ING5: variants seen among roughly 807,000 people sequenced by gnomAD.
ING5 encodes inhibitor of growth protein 5.
ING5 carries 17 observed loss-of-function variants against 37.4 expected under a neutral mutation model. The ratio of observed to expected loss-of-function variants is 0.45; its 90% CI spans 0.31 to 0.68. The LOEUF is 0.68. Among genes scored for constraint, ING5 ranks in the 30% least tolerant of loss-of-function variants. The probability of loss-of-function intolerance (pLI) is 0.05; values close to 1 mark genes in which losing one functional copy is unlikely to be tolerated. For synonymous variants in ING5, 123 were observed against 116.6 expected (o/e 1.06, Z -0.36); for missense variants, 233 against 311.9 (o/e 0.75, Z 1.91).
chr2:241,701,223 C>G (rs971974981), upstream of ING5, among the ~76,000 whole-genome samples: 10 of 152,120 alleles, frequency 6.6e-5, no homozygotes, highest in Non-Finnish European at 1.5e-4. Flanking sequence ...CTCGGCCTCC[C>G]AAAGTGATGG....
intron 2 of ING5, among the ~76,000 whole-genome samples, chr2:241,707,284 G>A (rs1366996356): frequency 1.3e-5 from 2 of 150,282 alleles, no homozygotes; most frequent in Non-Finnish European, 3.0e-5. Flanking sequence ...ATTATGCTGG[G>A]CACAGGTTTG....
At chr2:241,709,443 C>G in intron 3 of ING5, 61 bp downstream of exon 3, 3 of 1,499,756 alleles carry the variant, frequency 2.0e-6, no homozygotes, top group African/African-American at 1.4e-5. Flanking sequence ...TCTCATGCAA[C>G]AAAATGTAAA....
At chr2:241,721,679 G>A in intron 5 of ING5, 6 of 985,316 alleles carry the variant, frequency 6.1e-6, no homozygotes, top group Non-Finnish European at 7.2e-6. Context: ...AGATATTCGT[G>A]GGTTGGAGGG....
upstream of ING5, among the ~76,000 whole-genome samples, chr2:241,698,014 C>T (rs903856387): frequency 1.4e-5 from 2 of 140,882 alleles, no homozygotes; most frequent in East Asian, 2.2e-4. Flanking sequence ...ACCCAGAAGG[C>T]GGAGGTTGTA....
chr2:241,702,398 T>C (rs909140343), intron 1 of ING5, among the ~76,000 whole-genome samples: 2 of 150,788 alleles, frequency 1.3e-5, no homozygotes, highest in Admixed American at 1.3e-4. Flanking sequence ...GCCCACATAT[T>C]AGGTCCCGCC....
chr2:241,706,037 T>A (rs140412181), intron 2 of ING5, among the ~76,000 whole-genome samples: 9 of 152,178 alleles, frequency 5.9e-5, no homozygotes, highest in African/African-American at 2.2e-4. Flanking sequence ...CTTTGTTTTC[T>A]GCATTCGACC....
intron 5 of ING5, among the ~76,000 whole-genome samples, chr2:241,715,819 C>G (rs2070252252): frequency 6.6e-6 from 1 of 150,942 alleles, no homozygotes; most frequent in Admixed American, 6.7e-5. Context: ...CTTCTTTGCC[C>G]TATAACTTAT....
At chr2:241,703,797 G>C (rs935645133) in intron 1 of ING5, among the ~76,000 whole-genome samples, 1 of 151,988 alleles carries the variant, frequency 6.6e-6, no homozygotes, top group African/African-American at 2.4e-5. Context: ...GTAGAGACAG[G>C]GTTTCACCAT....
At chr2:241,702,458 G>T (rs1001143179) in intron 1 of ING5, among the ~76,000 whole-genome samples, 1 of 151,710 alleles carries the variant, frequency 6.6e-6, no homozygotes, top group Non-Finnish European at 1.5e-5. Context: ...CCCCGGCCCC[G>T]CCAGGTCCCG....
chr2:241,698,961 C>G (rs962890199), upstream of ING5, among the ~76,000 whole-genome samples: 6 of 151,598 alleles, frequency 4.0e-5, no homozygotes, highest in African/African-American at 9.8e-5. Flanking sequence ...CTCCCGACCT[C>G]AGGTGATCCA....
At chr2:241,716,281 C>CTT (rs11332132) in intron 5 of ING5, among the ~76,000 whole-genome samples, 301 of 73,654 alleles carry the variant, frequency 4.1e-3, no homozygotes, top group Non-Finnish European at 5.8e-3. Flanking sequence ...ATTAGCCATG[C>CTT]TTTTTTTTTT....
chr2:241,702,297 G>C (rs887686409), intron 1 of ING5, among the ~76,000 whole-genome samples, 195 bp downstream of exon 1: 3 of 149,254 alleles, frequency 2.0e-5, no homozygotes, highest in African/African-American at 7.3e-5. Flanking sequence ...GCGGGCGCGG[G>C]GGGTCCCGCC....
rs921085889 is a variant in ING5, at chr2:241,727,562, G to T, written c.*2531G>T. 2.6e-5 allele frequency: 4 copies of T among 152,162 alleles called. No individual in the cohort carries two copies. The highest frequency in any genetic ancestry group is 4.4e-5 in the Non-Finnish European group (3 of 68,020). 9.4% of individuals were successfully genotyped at this position (152,162 alleles called of 1,614,324 possible). On this transcript the variant is annotated 3_prime_UTR_variant, in exon 8 of 8. Transcript: ENST00000313552. ...ACTCCTGACCTGAAGTGATCCACCC[G>T]CCTCGACCTCCCAAAGTGCTGGGAT...
At chr2:241,720,288 C>A in intron 5 of ING5, 1 of 1,227,270 alleles carries the variant, frequency 8.1e-7, no homozygotes, top group Non-Finnish European at 1.0e-6. Context: ...ATTCACGCCC[C>A]TCGTGGTCAC....
intron 2 of ING5, among the ~76,000 whole-genome samples, chr2:241,707,108 C>T (rs1164697798): frequency 2.6e-5 from 4 of 151,112 alleles, no homozygotes; most frequent in Admixed American, 6.6e-5. Flanking sequence ...TACAGGCATG[C>T]ACCATCATGC....
At chr2:241,708,604 G>C (rs1420470052) in intron 2 of ING5, among the ~76,000 whole-genome samples, 1 of 152,082 alleles carries the variant, frequency 6.6e-6, no homozygotes, top group Non-Finnish European at 1.5e-5. Context: ...TTTGTTTCTT[G>C]CTCTTTTTGC....
chr2:241,691,871 T>C (rs368373298), intron 2 of ING5, among the ~76,000 whole-genome samples: 29 of 152,124 alleles, frequency 1.9e-4, no homozygotes, highest in African/African-American at 6.7e-4. Flanking sequence ...CTGGGCAACA[T>C]AGACTTATTT....
At chr2:241,687,193 C>T (rs1267037400) in exon 1 of ING5, 2 of 394,884 alleles carry the variant, frequency 5.1e-6, no homozygotes, top group African/African-American at 2.1e-5. Flanking sequence ...TCGTTGGCCC[C>T]TGGCTGCGCG....
chr2:241,692,393 T>G (rs968291938), intron 2 of ING5, among the ~76,000 whole-genome samples: 8 of 152,040 alleles, frequency 5.3e-5, no homozygotes, highest in African/African-American at 1.7e-4. Context: ...ACTGCAGCCT[T>G]GAGGTTCTGG....
Sources: allele counts gnomAD v4.1 joint callset (sites outside exome capture counted in the v4.1 genomes callset), GRCh38; gene constraint gnomAD v4.1.1; transcripts MANE v1.5; gene names NCBI Gene and HGNC (gene_info 2026-07-23, HGNC 2026-07-21).